Variants in LAYN observed in about 807,000 individuals in gnomAD.
LAYN encodes layilin.
LAYN carries 38 observed loss-of-function variants against 43.6 expected under a neutral mutation model. That is an observed-to-expected ratio of 0.87 (90% CI 0.67 to 1.14). LAYN has a LOEUF of 1.14. Ranked by LOEUF, LAYN falls within the 50% of genes most tolerant of loss-of-function variation. LAYN has a pLI of 0.00. For missense variants in LAYN, 479 were observed against 463.8 expected, an observed-to-expected ratio of 1.03 and a Z score of -0.30; for synonymous variants, 168 against 172.9, an observed-to-expected ratio of 0.97 and a Z score of 0.22.
At chr11:111,554,649 A>C in intron 4 of LAYN, 56 bp downstream of exon 4, 1 of 1,440,426 alleles carries the variant, frequency 6.9e-7, no homozygotes, top group Non-Finnish European at 9.8e-7. Flanking sequence ...GCCCCTCTTC[A>C]CAGGTTTAAA....
At chr11:111,543,567 C>T (rs960075615) in intron 1 of LAYN, among the ~76,000 whole-genome samples, 1 of 152,152 alleles carries the variant, frequency 6.6e-6, no homozygotes, top group African/African-American at 2.4e-5. Flanking sequence ...CCACATTATC[C>T]CCTGAGACTC....
chr11:111,555,967 G>A (rs1389947838), intron 5 of LAYN, among the ~76,000 whole-genome samples: 2 of 152,172 alleles, frequency 1.3e-5, no homozygotes, highest in African/African-American at 4.8e-5. Context: ...CTAAATTCCA[G>A]AGTTGGCACA....
chr11:111,543,871 C>A, intron 1 of LAYN, 52 bp from the exon 2 acceptor site: 2 of 1,530,314 alleles, frequency 1.3e-6, no homozygotes, highest in East Asian at 2.3e-5. Context: ...CGTATCCCTG[C>A]CCCGGTATAC....
chr11:111,559,459 T>A (rs942990592), intron 6 of LAYN, among the ~76,000 whole-genome samples: 11 of 151,288 alleles, frequency 7.3e-5, no homozygotes, highest in African/African-American at 1.7e-4. Flanking sequence ...ATTTTATTAT[T>A]TTATTTTATT....
intron 3 of LAYN, among the ~76,000 whole-genome samples, chr11:111,553,426 C>A (rs1867776693): frequency 6.6e-6 from 1 of 151,616 alleles, no homozygotes; most frequent in Non-Finnish European, 1.5e-5. Context: ...CCAGCCTGAC[C>A]AACGTGGTGA....
chr11:111,560,664 T>C lies in LAYN; in HGVS notation c.*206T>C, dbSNP rs1867940798. 1.7e-6 allele frequency: 1 copy of C among 573,348 alleles called. No individual in the cohort carries two copies. Among genetic ancestry groups the C allele is most frequent in the Admixed American group, 3.2e-5 (1 of 31,376 alleles). The allele number at this position is 573,348 out of a possible 1,614,324, so 35.5% of individuals were successfully genotyped here. On this transcript the variant is annotated 3_prime_UTR_variant, in exon 7 of 7. Coordinates refer to ENST00000375614, the MANE Select transcript of LAYN (RefSeq NM_178834.5). ...CAGCCAGTCATCCAGCTCGACCTTA[T>C]GAGAAGGTACCTTGCCCAGGTCTGG... is the stretch of plus-strand genomic sequence containing the variant.
chr11:111,561,203 T>C lies in LAYN; in HGVS notation c.*745T>C, dbSNP rs1260955694. On this transcript the variant is annotated 3_prime_UTR_variant, in exon 7 of 7. Coordinates refer to ENST00000375614, the MANE Select transcript of LAYN (RefSeq NM_178834.5). ...AGTGAGACTCTGACTCTACAAAAAA[T>C]TTAAAAATTAGCAGGGCATGGTGGC... 1.3e-5 allele frequency: 2 copies of C among 152,156 alleles called. No individual in the cohort carries two copies. Among genetic ancestry groups the C allele is most frequent in the African/African-American group, 2.4e-5 (1 of 41,382 alleles). 9.4% of individuals were successfully genotyped at this position (152,156 alleles called of 1,614,324 possible).
In LAYN at chr11:111,560,353, C is replaced by T. The variant is rs757102637; in HGVS notation, c.1020C>T (p.Ser340=). The T allele has an allele frequency of 7.4e-6, 12 of 1,614,006 alleles. No individual in the cohort carries two copies. Among genetic ancestry groups the T allele is most frequent in the Middle Eastern group, 3.3e-4 (2 of 6,082 alleles). The change falls in exon 7 of 7, where the codon AGC becomes AGT. Residue 340 remains serine, a synonymous_variant. Transcript: ENST00000375614. Reference sequence around the variant, plus strand: ...AAAGTGGGTTTGTGACTCTGGTGAGCGTGGAGAGTGGATTTGTGACCAATG... The same window carrying T: ...AAAGTGGGTTTGTGACTCTGGTGAGTGTGGAGAGTGGATTTGTGACCAATG... The part of the protein sequence containing the change: ...PSESGFVTLV[S]VESGFVTNDI...
intron 3 of LAYN, among the ~76,000 whole-genome samples, chr11:111,553,711 C>T (rs1037514139): frequency 1.6e-5 from 2 of 125,024 alleles, no homozygotes; most frequent in South Asian, 2.8e-4. Flanking sequence ...ATTTACATCA[C>T]CTATACACAC....
chr11:111,543,740 A>G (rs905235715), intron 1 of LAYN, among the ~76,000 whole-genome samples, 183 bp from the exon 2 acceptor site: 2 of 152,230 alleles, frequency 1.3e-5, no homozygotes, highest in Non-Finnish European at 2.9e-5. Flanking sequence ...AGTTTAAATC[A>G]CTACATCTCC....
At position 111,561,441 on chromosome 11, in the gene LAYN, T is replaced by C. The variant is rs1006124261; in HGVS notation, c.*983T>C. 1 of 152,248 alleles carries C rather than the reference T, an allele frequency of 6.6e-6. No individual in the cohort carries two copies. 9.4% of individuals were successfully genotyped at this position (152,248 alleles called of 1,614,324 possible). ...GCTTATGTACTCCCATCCCTGATACTACACGTTGTTCTGTTTGCATGTTTG... is the reference window on the plus strand; with the variant it reads ...GCTTATGTACTCCCATCCCTGATACCACACGTTGTTCTGTTTGCATGTTTG... On this transcript the variant is annotated 3_prime_UTR_variant, in exon 7 of 7. Transcript: ENST00000375614.
chr11:111,557,935 C>A (rs151083829), intron 6 of LAYN, among the ~76,000 whole-genome samples: 153 of 152,256 alleles, frequency 1.0e-3, no homozygotes, highest in African/African-American at 3.5e-3. Flanking sequence ...CGTCACCCAG[C>A]AAAAATGCTC....
intron 5 of LAYN, among the ~76,000 whole-genome samples, chr11:111,557,047 T>G (rs1454098060): frequency 6.6e-6 from 1 of 152,152 alleles, no homozygotes; most frequent in Non-Finnish European, 1.5e-5. Flanking sequence ...GGCTTGCTTC[T>G]TTTTCCCTCT....
chr11:111,541,630 CGG>C, intron 1 of LAYN: 1 of 1,513,826 alleles, frequency 6.6e-7, no homozygotes, highest in Non-Finnish European at 8.9e-7. Context: ...TTCTGCATGT[CGG>C]GGGGAGAACA....
chr11:111,540,961 C>T (rs1364700833), intron 1 of LAYN, 33 bp downstream of exon 1: 54 of 1,126,528 alleles, frequency 4.8e-5, no homozygotes, highest in Non-Finnish European at 6.2e-5. Context: ...GGGCTGGTGC[C>T]GGGGTGGGCT....
Position 111,557,178 on chromosome 11 carries a change from GA to G in LAYN, c.659-353del, listed in dbSNP as rs150212588. Among the ~76,000 whole-genome samples, 1,161 of 143,976 alleles carry G rather than the reference GA, an allele frequency of 8.1e-3. 24 individuals are homozygous for G. The highest frequency in any genetic ancestry group is 0.027 in the African/African-American group (1,075 of 39,272). The allele number at this position is 143,976 out of a possible 152,430, so 94.5% of individuals were successfully genotyped here. A position where few individuals can be genotyped will look rare whatever the true frequency, so the allele number is the denominator to read the frequency against. On this transcript the variant is annotated intron_variant, in intron 5 of 6. Coordinates refer to ENST00000375614, the MANE Select transcript of LAYN (RefSeq NM_178834.5). The stretch of plus-strand genomic sequence containing the variant: ...AGAAAAGAGAGACTCTCTTTTCTCT[GA>G]AAAAAAAAACAAAAAGCTTAATTAA...
intron 1 of LAYN, among the ~76,000 whole-genome samples, chr11:111,542,043 A>T (rs1388906246): frequency 6.6e-6 from 1 of 152,190 alleles, no homozygotes; most frequent in Non-Finnish European, 1.5e-5. Context: ...TTAAGGTGTT[A>T]TGTTTCCCTT....
At position 111,558,779 on chromosome 11, in the gene LAYN, AAAAAATATAT is replaced by A. The variant is rs200586280; in HGVS notation, c.761+1138_761+1147del. ...TTTATTTTATTTATTATTTTATTTA[AAAAAATATAT>A]ATATATATATATATTTGAGACAGAG... On this transcript the variant is annotated intron_variant, in intron 6 of 6. Coordinates refer to ENST00000375614, the MANE Select transcript of LAYN (RefSeq NM_178834.5). Among the ~76,000 whole-genome samples the A allele has an allele frequency of 7.9e-3, 1,147 of 144,802 alleles. 23 individuals carry two copies. Among genetic ancestry groups the A allele is most frequent in the African/African-American group, 0.027 (1,062 of 38,738 alleles). The allele number at this position is 144,802 out of a possible 152,430, so 95.0% of individuals were successfully genotyped here. A position where few individuals can be genotyped will look rare whatever the true frequency, so the allele number is the denominator to read the frequency against.
In LAYN at chr11:111,554,855, A is replaced by C. The variant is rs141765324; in HGVS notation, c.574+262A>C. On this transcript the variant is annotated intron_variant, in intron 4 of 6. Transcript: ENST00000375614. ...TTGTCATCATTGACAATATCAAAGG[A>C]ATAATTTAATCTAATGAGACCAAAA... Among the ~76,000 whole-genome samples the C allele has an allele frequency of 1.2e-3, 178 of 152,318 alleles. 1 individual carries two copies. Among genetic ancestry groups the C allele is most frequent in the African/African-American group, 4.1e-3 (172 of 41,572 alleles).
Sources: gnomAD v4.1 joint callset for allele counts (sites outside exome capture counted in the v4.1 genomes callset) on GRCh38, gnomAD v4.1.1 for gene constraint, MANE v1.5 for transcripts, NCBI Gene and HGNC (gene_info 2026-07-23, HGNC 2026-07-21) for gene names.